The following PCDH9 variants were observed in gnomAD, a reference collection of about 807,000 sequenced individuals.
The protein encoded by PCDH9 is protocadherin 9, also known as protocadherin-9.
PCDH9 carries 24 observed loss-of-function variants against 70.6 expected under a neutral mutation model. That is an observed-to-expected ratio of 0.34 (90% CI 0.25 to 0.48). The LOEUF (loss-of-function observed/expected upper bound fraction) is 0.48, where lower values mean the gene tolerates loss of function less well. Ranked by LOEUF, PCDH9 falls within the 20% of genes least tolerant of loss-of-function variation. The probability of loss-of-function intolerance (pLI) is 0.99; values close to 1 mark genes in which losing one functional copy is unlikely to be tolerated. For synonymous variants in PCDH9, 562 were observed against 558.5 expected (o/e 1.01, Z -0.09); for missense variants, 1,281 against 1,503.6 (o/e 0.85, Z 2.45).
At chr13:66,643,157 A>G (rs955758267) in intron 3 of PCDH9, among the ~76,000 whole-genome samples, 1 of 152,080 alleles carries the variant, frequency 6.6e-6, no homozygotes, top group Non-Finnish European at 1.5e-5. Flanking sequence ...AACATTAATC[A>G]GTAGATGGAA....
intron 2 of PCDH9, among the ~76,000 whole-genome samples, chr13:66,921,027 C>A (rs911993026): frequency 1.5e-4 from 23 of 150,470 alleles, no homozygotes; most frequent in Admixed American, 4.0e-4. Context: ...TCTTCTTTGA[C>A]TGAAGATGAT....
intron 4 of PCDH9, among the ~76,000 whole-genome samples, chr13:66,602,666 A>C (rs1357669614): frequency 1.4e-5 from 2 of 145,744 alleles, no homozygotes; most frequent in African/African-American, 4.9e-5. Flanking sequence ...AAAGAAAAAA[A>C]ATTTAAATAA....
chr13:67,030,511 C>G (rs1026922179), intron 2 of PCDH9, among the ~76,000 whole-genome samples: 1 of 152,056 alleles, frequency 6.6e-6, no homozygotes, highest in Middle Eastern at 3.4e-3. Context: ...ACACACACAC[C>G]TTTCCCAGCC....
Position 66,303,512 on chromosome 13 carries a change from G to A in PCDH9, c.*1143C>T, listed in dbSNP as rs1955406906. ...GTGGCTATGGTCTAATAACACTTGT[G>A]TTACAACAACATTATTGTATATGAG... On this transcript the variant is annotated 3_prime_UTR_variant, in exon 5 of 5. Coordinates refer to ENST00000377865, the MANE Select transcript of PCDH9 (RefSeq NM_203487.3). 6.6e-6 allele frequency: 1 copy of A among 152,430 alleles called. No homozygotes were observed. Among genetic ancestry groups the A allele is most frequent in the Non-Finnish European group, 1.5e-5 (1 of 67,974 alleles). The allele number at this position is 152,430 out of a possible 1,614,324, so 9.4% of individuals were successfully genotyped here. A position where few individuals can be genotyped will look rare whatever the true frequency, so the allele number is the denominator to read the frequency against.
At chr13:67,203,184 T>C (rs2138058488) in intron 2 of PCDH9, 1 of 152,276 alleles carries the variant, frequency 6.6e-6, no homozygotes, top group South Asian at 2.1e-4. Context: ...TTCTTAATTT[T>C]TGAAATTAGA....
intron 3 of PCDH9, among the ~76,000 whole-genome samples, chr13:66,747,212 A>G (rs1478616553): frequency 6.6e-6 from 1 of 152,028 alleles, no homozygotes; most frequent in African/African-American, 2.4e-5. Context: ...TTAGCCAGAT[A>G]TGGTGGTGTG....
chr13:66,994,067 A>G (rs1051216230), intron 2 of PCDH9, among the ~76,000 whole-genome samples: 5 of 152,274 alleles, frequency 3.3e-5, no homozygotes, highest in Admixed American at 2.6e-4. Flanking sequence ...TTGCGAGAAA[A>G]ACTAGAATAC....
chr13:67,194,617 C>T (rs544495211), intron 2 of PCDH9, among the ~76,000 whole-genome samples: 2 of 152,068 alleles, frequency 1.3e-5, no homozygotes, highest in East Asian at 1.9e-4. Context: ...CAATGTAAAA[C>T]CTTTGCTTCC....
chr13:66,632,882 A>G (rs1185235046), intron 3 of PCDH9, among the ~76,000 whole-genome samples: 1 of 152,042 alleles, frequency 6.6e-6, no homozygotes, highest in Non-Finnish European at 1.5e-5. Context: ...ATAATATACA[A>G]GTATATAATG....
At chr13:66,881,882 T>G (rs2081927018) in intron 3 of PCDH9, among the ~76,000 whole-genome samples, 1 of 152,210 alleles carries the variant, frequency 6.6e-6, no homozygotes, top group Non-Finnish European at 1.5e-5. Flanking sequence ...ACAGGAGAAC[T>G]TTACAGGTTT....
chr13:66,581,601 T>G (rs185172919), intron 4 of PCDH9, among the ~76,000 whole-genome samples: 1 of 152,270 alleles, frequency 6.6e-6, no homozygotes, highest in East Asian at 1.9e-4. Context: ...TACTTCAAAC[T>G]TAAAAACAAA....
intron 4 of PCDH9, among the ~76,000 whole-genome samples, chr13:66,408,189 G>T (rs1026653785): frequency 2.0e-5 from 3 of 151,940 alleles, no homozygotes; most frequent in Admixed American, 1.3e-4. Context: ...CTCCCGAGTA[G>T]CTGGGACTAC....
chr13:66,734,336 G>A (rs2079116231), intron 3 of PCDH9, among the ~76,000 whole-genome samples: 1 of 152,146 alleles, frequency 6.6e-6, no homozygotes, highest in African/African-American at 2.4e-5. Context: ...GAAGTTTTAA[G>A]TTTGGAGCTT....
At chr13:66,532,814 G>C (rs572844023) in intron 4 of PCDH9, among the ~76,000 whole-genome samples, 8 of 152,034 alleles carry the variant, frequency 5.3e-5, no homozygotes, top group South Asian at 2.1e-4. Flanking sequence ...CATTCTCCTC[G>C]GTCTTTTCTT....
chr13:66,703,859 C>A (rs2078678759), intron 3 of PCDH9, among the ~76,000 whole-genome samples: 2 of 152,124 alleles, frequency 1.3e-5, no homozygotes, highest in South Asian at 2.1e-4. Context: ...CATGACTGAG[C>A]CACTGCACTC....
chr13:66,556,072 ATG>A (rs541968539), intron 4 of PCDH9, among the ~76,000 whole-genome samples: 60 of 151,492 alleles, frequency 4.0e-4, no homozygotes, highest in African/African-American at 1.4e-3. Flanking sequence ...ATGATAATAT[ATG>A]TGTCTGTTCT....
intron 2 of PCDH9, among the ~76,000 whole-genome samples, chr13:66,968,414 A>G (rs548249703): frequency 6.6e-6 from 1 of 152,098 alleles, no homozygotes; most frequent in East Asian, 1.9e-4. Context: ...CATTCTCATC[A>G]CAGCATGACT....
intron 2 of PCDH9, among the ~76,000 whole-genome samples, chr13:67,188,241 TA>T (rs1199357507): frequency 2.0e-5 from 3 of 152,180 alleles, no homozygotes; most frequent in African/African-American, 7.2e-5. Context: ...CTTACCTTGC[TA>T]TGTCAGCAGT....
chr13:67,145,516 GA>G (rs1183625568), intron 2 of PCDH9, among the ~76,000 whole-genome samples: 1 of 151,534 alleles, frequency 6.6e-6, no homozygotes, highest in African/African-American at 2.4e-5. Flanking sequence ...TGCTTAATAG[GA>G]AAAAAATCTT....
Sources: gnomAD v4.1 joint callset for allele counts (sites outside exome capture counted in the v4.1 genomes callset) on GRCh38, gnomAD v4.1.1 for gene constraint, MANE v1.5 for transcripts, NCBI Gene and HGNC (gene_info 2026-07-23, HGNC 2026-07-21) for gene names.